MLLT3: variants seen among roughly 807,000 people sequenced by gnomAD.
MLLT3 encodes protein AF-9.
In MLLT3, 4 loss-of-function variants were observed where a neutral mutation model predicts 53.2. The ratio of observed to expected loss-of-function variants is 0.08; its 90% CI spans 0.04 to 0.17. The LOEUF (loss-of-function observed/expected upper bound fraction) is 0.17, where lower values mean the gene tolerates loss of function less well. MLLT3 is among the 10% of genes least tolerant of loss of function. MLLT3 has a pLI of 1.00. For missense variants in MLLT3, 569 were observed against 684.0 expected, an observed-to-expected ratio of 0.83 and a Z score of 1.87; for synonymous variants, 283 against 230.6, an observed-to-expected ratio of 1.23 and a Z score of -2.06.
chr9:20,496,015 T>C (rs1318213594), intron 2 of MLLT3, among the ~76,000 whole-genome samples: 2 of 152,198 alleles, frequency 1.3e-5, no homozygotes, highest in African/African-American at 2.4e-5. Flanking sequence ...AAGTACAATT[T>C]GCAGAACTTT....
intron 2 of MLLT3, among the ~76,000 whole-genome samples, chr9:20,599,477 T>C (rs965568189): frequency 3.6e-5 from 5 of 137,024 alleles, no homozygotes; most frequent in African/African-American, 1.3e-4. Context: ...AAAAAAAAGG[T>C]AGCATGAAAC....
At position 20,342,886 on chromosome 9, in the gene MLLT3, G is replaced by A. The variant is rs911345856; in HGVS notation, c.*3557C>T. The A allele has an allele frequency of 1.8e-4, 33 of 181,118 alleles. No individual in the cohort carries two copies. Among genetic ancestry groups the A allele is most frequent in the African/African-American group, 6.5e-4 (27 of 41,848 alleles). The allele number at this position is 181,118 out of a possible 1,614,324, so 11.2% of individuals were successfully genotyped here. A position where few individuals can be genotyped will look rare whatever the true frequency, so the allele number is the denominator to read the frequency against. Reference sequence around the variant, plus strand: ...AATATAGGAGCAGTACATAGCATTAGTACACAAAACGCTAAAGGTGGAAAG... The same window carrying A: ...AATATAGGAGCAGTACATAGCATTAATACACAAAACGCTAAAGGTGGAAAG... On this transcript the variant is annotated 3_prime_UTR_variant, in exon 11 of 11. Coordinates refer to ENST00000380338, the MANE Select transcript of MLLT3 (RefSeq NM_004529.4).
chr9:20,566,206 AG>A (rs1819374652), intron 2 of MLLT3, among the ~76,000 whole-genome samples: 1 of 150,962 alleles, frequency 6.6e-6, no homozygotes, highest in South Asian at 2.1e-4. Context: ...TGGGAGGCTG[AG>A]GCAGGTGGAT....
In MLLT3 at chr9:20,414,345, ACTG is replaced by A. The variant is rs749239229; in HGVS notation, c.498_500del (p.Ser190del). 4.9e-4 allele frequency: 705 copies of A among 1,434,596 alleles called. No homozygotes were observed. Among genetic ancestry groups the A allele is most frequent in the African/African-American group, 3.7e-3 (250 of 67,368 alleles). The allele number at this position is 1,434,596 out of a possible 1,614,324, so 88.9% of individuals were successfully genotyped here. On this transcript the variant is annotated inframe_deletion, in exon 5 of 11. Coordinates refer to ENST00000380338, the MANE Select transcript of MLLT3 (RefSeq NM_004529.4). ...TGCTGCTGCTGCTGCTGCTGCTGCT[ACTG>A]CTGCTGCTGCTGCTGCTGCTGCTGC...
Position 20,475,886 on chromosome 9 carries a change from T to C in MLLT3, c.194-19100A>G, listed in dbSNP as rs79923042. Among the ~76,000 whole-genome samples the C allele has an allele frequency of 3.3e-3, 498 of 152,242 alleles. 1 individual carries two copies. Among genetic ancestry groups the C allele is most frequent in the African/African-American group, 0.01 (427 of 41,552 alleles). On this transcript the variant is annotated intron_variant, in intron 2 of 10. Transcript: ENST00000380338. ...TCAGTAAAGCTATTGGTCAGTGTGT[T>C]ATTTCAGTTAGCAACAAAATTGTCC...
At chr9:20,414,574 T>C in intron 4 of MLLT3, 149 bp from the exon 5 acceptor site, 3 of 1,143,038 alleles carry the variant, frequency 2.6e-6, no homozygotes, top group Admixed American at 2.4e-5. Context: ...AAAACCACAA[T>C]ATAACAGGTG....
In MLLT3 at chr9:20,620,909, AT is replaced by A; in HGVS notation, c.13-76del. 3 of 1,496,272 alleles carry A rather than the reference AT, an allele frequency of 2.0e-6. No homozygotes were observed. Among genetic ancestry groups the A allele is most frequent in the Non-Finnish European group, 2.8e-6 (3 of 1,081,720 alleles). 92.7% of individuals were successfully genotyped at this position (1,496,272 alleles called of 1,614,324 possible). On this transcript the variant is annotated intron_variant, in intron 1 of 10. Transcript: ENST00000380338. This position sits in a 1 kb window ranked among gnomAD's most constrained non-coding sequence, Gnocchi z 6.1. ...TTCGGCAGTGAACGTTGCGCCTGAC[AT>A]TTTTTTCCTCCTTCTTGAAACGCAC...
At chr9:20,410,536 G>C (rs912023146) in intron 5 of MLLT3, 15 of 152,096 alleles carry the variant, frequency 9.9e-5, no homozygotes, top group African/African-American at 3.4e-4. Context: ...CCAGACAGCA[G>C]AATTCTAATT....
chr9:20,515,105 C>A (rs1000144900), intron 2 of MLLT3, among the ~76,000 whole-genome samples: 2 of 151,964 alleles, frequency 1.3e-5, no homozygotes, highest in Admixed American at 6.6e-5. Flanking sequence ...CGCCACCACG[C>A]CCGGCTAATT....
At chr9:20,475,540 T>C (rs1824499217) in intron 2 of MLLT3, among the ~76,000 whole-genome samples, 1 of 152,148 alleles carries the variant, frequency 6.6e-6, no homozygotes. Context: ...GCAGCTGTAT[T>C]GAAATAAGTC....
intron 4 of MLLT3, among the ~76,000 whole-genome samples, chr9:20,427,354 A>C (rs1303595758): frequency 6.6e-6 from 1 of 152,048 alleles, no homozygotes; most frequent in East Asian, 1.9e-4. Context: ...TGGACTAGTT[A>C]AACAGCGGAC....
intron 2 of MLLT3, among the ~76,000 whole-genome samples, chr9:20,600,430 C>A (rs553996371): frequency 4.6e-5 from 7 of 152,290 alleles, no homozygotes; most frequent in Middle Eastern, 3.4e-3. Context: ...AAATACAACC[C>A]CTTCCTTAAC....
At chr9:20,517,757 A>T (rs530984894) in intron 2 of MLLT3, among the ~76,000 whole-genome samples, 36 of 152,206 alleles carry the variant, frequency 2.4e-4, no homozygotes, top group African/African-American at 8.2e-4. Context: ...AAATTGCTTG[A>T]ACCTGGAAGA....
intron 5 of MLLT3, among the ~76,000 whole-genome samples, chr9:20,400,680 A>C (rs1188053115): frequency 1.3e-5 from 2 of 152,102 alleles, no homozygotes; most frequent in Non-Finnish European, 2.9e-5. Context: ...TGAAGGGTTT[A>C]CTATTTTGTG....
intron 2 of MLLT3, among the ~76,000 whole-genome samples, chr9:20,505,921 T>C (rs1304896668): frequency 6.6e-6 from 1 of 152,206 alleles, no homozygotes; most frequent in Non-Finnish European, 1.5e-5. Context: ...TGTTGTTACG[T>C]GAGCTAAAAT....
chr9:20,560,555 T>C (rs1819176567), intron 2 of MLLT3, among the ~76,000 whole-genome samples: 1 of 152,224 alleles, frequency 6.6e-6, no homozygotes, highest in South Asian at 2.1e-4. Flanking sequence ...TAAAGAATTT[T>C]TACAAACGTG....
rs563251196 is a variant in MLLT3 at position 20,453,847 on chromosome 9, T to C, written c.276+2857A>G. 3.0e-4 allele frequency among the ~76,000 whole-genome samples: 46 copies of C among 152,342 alleles called. No homozygotes were observed. In the South Asian group the frequency reaches 8.9e-3, roughly 29 times the overall value. ...CTATGGATTACATAATTACCATTTA[T>C]TAATCCACATCTCTACATAGGGCCA... On this transcript the variant is annotated intron_variant, in intron 3 of 10. Coordinates refer to ENST00000380338, the MANE Select transcript of MLLT3 (RefSeq NM_004529.4).
chr9:20,359,739 G>A lies in MLLT3; in HGVS notation c.1431+1003C>T, dbSNP rs1821269941. Among the ~76,000 whole-genome samples the A allele has an allele frequency of 2.0e-5, 3 of 152,280 alleles. No individual in the cohort carries two copies. The South Asian group carries it at 6.2e-4, about 32-fold the overall frequency. The stretch of plus-strand genomic sequence containing the variant: ...AGGGCAAGACTATTTAAAATTGAAG[G>A]ACACCTGTGAAACAGTATTTTCAGA... On this transcript the variant is annotated intron_variant, in intron 8 of 10. Coordinates refer to ENST00000380338, the MANE Select transcript of MLLT3 (RefSeq NM_004529.4).
In MLLT3 at chr9:20,350,594, C is replaced by CAAAAAAAAAAAAAAAAAA. The variant is rs774973521; in HGVS notation, c.1575+2930_1575+2931insTTTTTTTTTTTTTTTTTT. On this transcript the variant is annotated intron_variant, in intron 10 of 10. Transcript: ENST00000380338. ...TGGGCGACAGAGCGAGACTCCGTCT[C>CAAAAAAAAAAAAAAAAAA]AAAAAAAGAAAGAAAGAAAAACAGG... 8.1e-5 allele frequency among the ~76,000 whole-genome samples: 10 copies of CAAAAAAAAAAAAAAAAAA among 123,976 alleles called. No homozygotes were observed. In the East Asian group the frequency reaches 1.9e-3, roughly 23 times the overall value. The allele number at this position is 123,976 out of a possible 152,430, so 81.3% of individuals were successfully genotyped here.
Sources: allele counts gnomAD v4.1 joint callset (sites outside exome capture counted in the v4.1 genomes callset), GRCh38; gene constraint gnomAD v4.1.1; non-coding constraint Gnocchi (gnomAD v3.1); transcripts MANE v1.5; gene names NCBI Gene and HGNC (gene_info 2026-07-23, HGNC 2026-07-21).